Variants in SLC12A6 observed in about 807,000 individuals in gnomAD.
SLC12A6 encodes solute carrier family 12 member 6.
SLC12A6 carries 66 observed loss-of-function variants against 135.3 expected under a neutral mutation model. That is an observed-to-expected ratio of 0.49 (90% CI 0.40 to 0.60). The LOEUF is 0.60. SLC12A6 is among the 20% of genes least tolerant of loss of function. The pLI is 0.00. For missense variants in SLC12A6, 1,058 were observed against 1,452.3 expected (o/e 0.73, Z 4.41); for synonymous variants, 513 against 508.8 (o/e 1.01, Z -0.11).
intron 15 of SLC12A6, 77 bp from the exon 16 acceptor site, chr15:34,244,149 C>A: frequency 1.1e-6 from 1 of 877,992 alleles, no homozygotes. Flanking sequence ...AATACCTTTG[C>A]TGTATTGAAG....
chr15:34,335,868 C>A (rs1197491582), intron 2 of SLC12A6, among the ~76,000 whole-genome samples: 9 of 152,200 alleles, frequency 5.9e-5, no homozygotes, highest in Non-Finnish European at 1.3e-4. Context: ...GGTCTACCCA[C>A]CATCACCCTG....
chr15:34,329,013 ATTGTT>A (rs946199438), intron 2 of SLC12A6, among the ~76,000 whole-genome samples: 6 of 152,260 alleles, frequency 3.9e-5, no homozygotes, highest in African/African-American at 1.2e-4. Flanking sequence ...AAAAGAATAC[ATTGTT>A]TTAACATTCA....
chr15:34,316,966 A>T (rs569085210), intron 2 of SLC12A6, among the ~76,000 whole-genome samples: 12 of 152,338 alleles, frequency 7.9e-5, no homozygotes, highest in Non-Finnish European at 1.8e-4. Flanking sequence ...TGGAAAACAT[A>T]AGCAAAGAAG....
intron 2 of SLC12A6, among the ~76,000 whole-genome samples, chr15:34,315,186 T>C (rs1334214471): frequency 6.6e-6 from 1 of 152,208 alleles, no homozygotes; most frequent in Non-Finnish European, 1.5e-5. Context: ...TTGAAAGAAG[T>C]TCTGTGGGTA....
At chr15:34,287,706 A>T (rs1895198062) in intron 2 of SLC12A6, among the ~76,000 whole-genome samples, 1 of 152,090 alleles carries the variant, frequency 6.6e-6, no homozygotes, top group Non-Finnish European at 1.5e-5. Context: ...TGTGGTCTTG[A>T]TTTGCATTTC....
intron 3 of SLC12A6, among the ~76,000 whole-genome samples, chr15:34,265,087 C>A (rs1893410433): frequency 6.6e-6 from 1 of 152,126 alleles, no homozygotes; most frequent in South Asian, 2.1e-4. Flanking sequence ...GTCCCAGCTA[C>A]TTGGGAGGCT....
intron 2 of SLC12A6, among the ~76,000 whole-genome samples, chr15:34,310,211 CT>C (rs1566860065): frequency 3.0e-4 from 34 of 112,638 alleles, no homozygotes; most frequent in Non-Finnish European, 9.1e-5. Context: ...GTGTGTGTCC[CT>C]GTGTCCAGGC....
Position 34,315,227 on chromosome 15 carries a change from G to C in SLC12A6, c.271+21183C>G, listed in dbSNP as rs150607442. Among the ~76,000 whole-genome samples the C allele has an allele frequency of 4.6e-3, 697 of 152,306 alleles. 1 individual carries two copies. The highest frequency in any genetic ancestry group is 0.02 in the Middle Eastern group (6 of 294). ...CTATCAAACAACGTTGCATGCTACA[G>C]AGAAATCTTTCATAAAAGAGTCAAT... On this transcript the variant is annotated intron_variant, in intron 2 of 25. Transcript: ENST00000354181.
chr15:34,319,195 G>C (rs2141119122), intron 2 of SLC12A6, among the ~76,000 whole-genome samples: 1 of 149,168 alleles, frequency 6.7e-6, no homozygotes, highest in South Asian at 2.1e-4. Flanking sequence ...GAGTGCAGTA[G>C]TGCGATCTCA....
intron 2 of SLC12A6, among the ~76,000 whole-genome samples, chr15:34,278,612 C>T (rs2058127625): frequency 6.6e-6 from 1 of 151,994 alleles, no homozygotes; most frequent in Admixed American, 6.5e-5. Flanking sequence ...TGCTCTGTCG[C>T]CCAGGCTGGA....
intron 21 of SLC12A6, 88 bp downstream of exon 21, chr15:34,238,144 T>G: frequency 1.1e-6 from 1 of 939,458 alleles, no homozygotes. Flanking sequence ...ACCCCAACAC[T>G]ATTATAATCA....
chr15:34,264,972 G>A (rs891393033), intron 3 of SLC12A6, among the ~76,000 whole-genome samples: 9 of 152,134 alleles, frequency 5.9e-5, no homozygotes, highest in African/African-American at 1.9e-4. Flanking sequence ...CGAGGCGGGC[G>A]AATCACGAGG....
At chr15:34,282,988 G>C (rs1347378993) in intron 2 of SLC12A6, among the ~76,000 whole-genome samples, 1 of 152,158 alleles carries the variant, frequency 6.6e-6, no homozygotes, top group African/African-American at 2.4e-5. Context: ...ATGTGCTAGG[G>C]ATAGAAGGTA....
intron 13 of SLC12A6, among the ~76,000 whole-genome samples, chr15:34,248,287 AAT>A (rs1892139068): frequency 6.6e-6 from 1 of 152,320 alleles, no homozygotes; most frequent in Non-Finnish European, 1.5e-5. Context: ...TAAATAAATA[AAT>A]AAGAATAACA....
intron 2 of SLC12A6, among the ~76,000 whole-genome samples, chr15:34,292,350 T>C (rs1259871379): frequency 6.6e-6 from 1 of 152,184 alleles, no homozygotes; most frequent in Non-Finnish European, 1.5e-5. Context: ...TGCCTGATCC[T>C]TCCTCTGGAA....
At chr15:34,297,843 C>T (rs1895976011) in intron 2 of SLC12A6, among the ~76,000 whole-genome samples, 1 of 152,006 alleles carries the variant, frequency 6.6e-6, no homozygotes, top group African/African-American at 2.4e-5. Context: ...ATGTAGAAGT[C>T]TAAAAATGAA....
At chr15:34,269,502 CAA>C (rs1893762658) in intron 3 of SLC12A6, among the ~76,000 whole-genome samples, 1 of 152,182 alleles carries the variant, frequency 6.6e-6, no homozygotes, top group African/African-American at 2.4e-5. Context: ...CTGAGTTAGG[CAA>C]GAGAGCAGTA....
intron 2 of SLC12A6, among the ~76,000 whole-genome samples, chr15:34,300,938 C>T (rs1432168823): frequency 6.6e-6 from 1 of 151,944 alleles, no homozygotes; most frequent in Non-Finnish European, 1.5e-5. Context: ...GTAATACAGA[C>T]AGAGCTTCAT....
intron 2 of SLC12A6, 113 bp downstream of exon 2, chr15:34,336,297 T>C: frequency 2.2e-6 from 2 of 894,836 alleles, no homozygotes; most frequent in South Asian, 1.4e-5. Context: ...CCTTGGTTCC[T>C]GATGACTATT....
Sources: allele counts gnomAD v4.1 joint callset (sites outside exome capture counted in the v4.1 genomes callset), GRCh38; gene constraint gnomAD v4.1.1; transcripts MANE v1.5; gene names NCBI Gene and HGNC (gene_info 2026-07-23, HGNC 2026-07-21).